The following THEMIS variants were observed in gnomAD, a reference collection of about 807,000 sequenced individuals.
THEMIS encodes the protein thymocyte selection associated.
THEMIS carries 37 observed loss-of-function variants against 52.6 expected under a neutral mutation model. The observed-to-expected ratio is 0.70, with a 90% CI of 0.54 to 0.93. The LOEUF is 0.93. THEMIS is among the 40% of genes least tolerant of loss of function. The pLI is 0.00. For synonymous variants in THEMIS, 292 were observed against 272.7 expected (o/e 1.07, Z -0.70); for missense variants, 808 against 763.1 (o/e 1.06, Z -0.69).
At chr6:127,775,962 A>G (rs1776553379) in intron 4 of THEMIS, among the ~76,000 whole-genome samples, 1 of 152,090 alleles carries the variant, frequency 6.6e-6, no homozygotes, top group Non-Finnish European at 1.5e-5. Flanking sequence ...TTCATTTTCA[A>G]TAGAATGTTG....
At chr6:127,702,768 A>C in the THEMIS span, among the ~76,000 whole-genome samples, 6 of 152,150 alleles carry the variant, frequency 3.9e-5, no homozygotes, top group Non-Finnish European at 8.8e-5. Context: ...CAATCATGGC[A>C]GAAGGTGAAA....
At chr6:127,784,153 G>T (rs1056384863) in intron 4 of THEMIS, among the ~76,000 whole-genome samples, 1 of 152,046 alleles carries the variant, frequency 6.6e-6, no homozygotes, top group African/African-American at 2.4e-5. Flanking sequence ...ACCAAACACC[G>T]CATATTGTCA....
downstream of THEMIS, among the ~76,000 whole-genome samples, chr6:127,703,313 C>G (rs964696362): frequency 6.6e-6 from 1 of 152,106 alleles, no homozygotes; most frequent in Admixed American, 6.5e-5. Context: ...TCCCAAAGTG[C>G]TGGGATTACA....
At chr6:127,769,352 G>GTTTTTTTTTTTTTTTTTTTT in intron 4 of THEMIS, among the ~76,000 whole-genome samples, 1 of 139,988 alleles carries the variant, frequency 7.1e-6, no homozygotes, top group Non-Finnish European at 1.6e-5. Context: ...GTTTTTTTTT[G>GTTTTTTTTTTTTTTTTTTTT]TTTTTTTTTT....
Position 127,917,719 on chromosome 6 carries a change from C to A in THEMIS, c.-150+709G>T, listed in dbSNP as rs182699077. 4.0e-3 allele frequency among the ~76,000 whole-genome samples: 604 copies of A among 152,246 alleles called. 3 individuals are homozygous for A. The highest frequency in any genetic ancestry group is 0.014 in the African/African-American group (579 of 41,546). Reference sequence around the variant, plus strand: ...GACCAACACCTGAAACAAGCAGGGCCAATCACATTCTCTTCCCCAGAAATT... The same window carrying A: ...GACCAACACCTGAAACAAGCAGGGCAAATCACATTCTCTTCCCCAGAAATT... On this transcript the variant is annotated intron_variant, in intron 1 of 6. Coordinates refer to the THEMIS transcript ENST00000368250.
At chr6:127,901,737 C>T (rs944762585), upstream of THEMIS, among the ~76,000 whole-genome samples, 15 of 152,020 alleles carry the variant, frequency 9.9e-5, no homozygotes, top group Admixed American at 2.6e-4. Context: ...TACAGGCTAA[C>T]GTCAGCCTTG....
intron 4 of THEMIS, among the ~76,000 whole-genome samples, chr6:127,743,153 C>A (rs1380562396): frequency 1.3e-5 from 2 of 152,084 alleles, no homozygotes; most frequent in Non-Finnish European, 2.9e-5. Flanking sequence ...GTCCAAAGAA[C>A]ACCAAAAGGC....
At chr6:127,885,106 C>T (rs1780605656) in intron 1 of THEMIS, among the ~76,000 whole-genome samples, 1 of 151,604 alleles carries the variant, frequency 6.6e-6, no homozygotes, top group South Asian at 2.1e-4. Flanking sequence ...CAGTCCATAA[C>T]ACATATTATA....
intron 4 of THEMIS, among the ~76,000 whole-genome samples, chr6:127,724,247 T>A (rs980746714): frequency 1.3e-5 from 2 of 152,140 alleles, no homozygotes; most frequent in African/African-American, 4.8e-5. Flanking sequence ...CATGCAGAAC[T>A]GTATTCATAC....
In THEMIS at chr6:127,719,593, C is replaced by A. The variant is rs1180775789; in HGVS notation, c.1894+95G>T. Reference sequence around the variant, plus strand: ...GATCACTTGGGCTGAGTCATATATTCCAAATAAAATAATAGTAAGAATCTG... The same window carrying A: ...GATCACTTGGGCTGAGTCATATATTACAAATAAAATAATAGTAAGAATCTG... On this transcript the variant is annotated intron_variant, in intron 5 of 5. Coordinates refer to ENST00000368248, the MANE Select transcript of THEMIS (RefSeq NM_001010923.3). 6 of 1,206,672 alleles carry A rather than the reference C, an allele frequency of 5.0e-6. No individual in the cohort carries two copies. The East Asian group carries it at 1.5e-4, about 30-fold the overall frequency. The allele number at this position is 1,206,672 out of a possible 1,614,324, so 74.7% of individuals were successfully genotyped here.
chr6:127,775,755 T>G (rs1776546608), intron 4 of THEMIS, among the ~76,000 whole-genome samples: 1 of 152,204 alleles, frequency 6.6e-6, no homozygotes, highest in African/African-American at 2.4e-5. Context: ...ATATCTGGCT[T>G]CTTTGGCTAA....
At chr6:127,729,628 T>C (rs1329115886) in intron 4 of THEMIS, among the ~76,000 whole-genome samples, 2 of 152,170 alleles carry the variant, frequency 1.3e-5, no homozygotes, top group Admixed American at 1.3e-4. Context: ...ACTCTTCCCA[T>C]GACATACTTA....
intron 2 of THEMIS, among the ~76,000 whole-genome samples, chr6:127,847,312 G>C (rs1267510988): frequency 6.6e-6 from 1 of 151,776 alleles, no homozygotes; most frequent in Non-Finnish European, 1.5e-5. Flanking sequence ...AGAAATAAAG[G>C]GCATCCAAAT....
intron 1 of THEMIS, among the ~76,000 whole-genome samples, chr6:127,889,344 T>C (rs1448846963): frequency 6.6e-6 from 1 of 152,120 alleles, no homozygotes; most frequent in Admixed American, 6.6e-5. Flanking sequence ...ACCATTTTTT[T>C]CCTCAGATTT....
intron 5 of THEMIS, among the ~76,000 whole-genome samples, chr6:127,712,431 G>A (rs1479308100): frequency 6.6e-6 from 1 of 151,826 alleles, no homozygotes; most frequent in Non-Finnish European, 1.5e-5. Context: ...TACCTTTCAG[G>A]AAATCTCAAA....
intron 4 of THEMIS, among the ~76,000 whole-genome samples, chr6:127,798,259 C>T (rs1777397620): frequency 6.6e-6 from 1 of 152,030 alleles, no homozygotes; most frequent in Non-Finnish European, 1.5e-5. Context: ...TATATGCAAA[C>T]ACATAACAGT....
At chr6:127,880,033 T>C (rs1780433308) in intron 1 of THEMIS, among the ~76,000 whole-genome samples, 1 of 152,236 alleles carries the variant, frequency 6.6e-6, no homozygotes, top group Non-Finnish European at 1.5e-5. Flanking sequence ...GCATGTACAG[T>C]TGATCTGCCA....
At chr6:127,774,336 G>C (rs1203216299) in intron 4 of THEMIS, among the ~76,000 whole-genome samples, 1 of 152,204 alleles carries the variant, frequency 6.6e-6, no homozygotes, top group African/African-American at 2.4e-5. Context: ...CTCCCGAGTA[G>C]CTGGGACTAA....
At chr6:127,703,341 C>T (rs1201950234), downstream of THEMIS, among the ~76,000 whole-genome samples, 1 of 152,056 alleles carries the variant, frequency 6.6e-6, no homozygotes, top group Non-Finnish European at 1.5e-5. Flanking sequence ...GACACCGCGC[C>T]CGGCTAGAAT....
Sources: gnomAD v4.1 joint callset for allele counts (sites outside exome capture counted in the v4.1 genomes callset) on GRCh38, gnomAD v4.1.1 for gene constraint, MANE v1.5 for transcripts, NCBI Gene and HGNC (gene_info 2026-07-23, HGNC 2026-07-21) for gene names.